The following PSKH2 variants were observed in gnomAD, a reference collection of about 807,000 sequenced individuals.
PSKH2 encodes the protein protein serine kinase H2.
In PSKH2, 16 loss-of-function variants were observed where a neutral mutation model predicts 22.5. The observed-to-expected ratio is 0.71, with a 90% CI of 0.48 to 1.08. The LOEUF (loss-of-function observed/expected upper bound fraction) is 1.08. Among genes scored for constraint, PSKH2 ranks in the 50% least tolerant of loss-of-function variants. The pLI, the probability that PSKH2 is intolerant of heterozygous loss-of-function variation, is 0.00. For synonymous variants in PSKH2, 188 were observed against 184.8 expected (o/e 1.02, Z -0.14); for missense variants, 516 against 492.8 (o/e 1.05, Z -0.44).
At chr8:86,065,337 T>C (rs1238065669) in intron 1 of PSKH2, among the ~76,000 whole-genome samples, 1 of 152,218 alleles carries the variant, frequency 6.6e-6, no homozygotes, top group African/African-American at 2.4e-5. Flanking sequence ...TAAATGCAGC[T>C]GTGCTATTAT....
intron 2 of PSKH2, among the ~76,000 whole-genome samples, chr8:86,062,946 A>C (rs190703950): frequency 6.6e-6 from 1 of 152,336 alleles, no homozygotes; most frequent in East Asian, 1.9e-4. Flanking sequence ...AAGACAATAA[A>C]AAGACATTTT....
intron 2 of PSKH2, among the ~76,000 whole-genome samples, chr8:86,050,431 T>C (rs749489989): frequency 2.0e-5 from 3 of 152,168 alleles, no homozygotes; most frequent in Non-Finnish European, 4.4e-5. Flanking sequence ...TTCAACAATA[T>C]AGCCAATCAC....
intron 2 of PSKH2, among the ~76,000 whole-genome samples, chr8:86,062,177 G>T (rs1279107485): frequency 6.6e-6 from 1 of 152,108 alleles, no homozygotes; most frequent in Admixed American, 6.6e-5. Flanking sequence ...GCAGTATATT[G>T]TGAAAATTTT....
chr8:86,057,658 G>A (rs1314078332), intron 2 of PSKH2, among the ~76,000 whole-genome samples: 1 of 152,102 alleles, frequency 6.6e-6, no homozygotes, highest in African/African-American at 2.4e-5. Context: ...CCAAAGTGCT[G>A]GGATTACAGG....
At chr8:86,054,059 T>G (rs1243016371) in intron 2 of PSKH2, among the ~76,000 whole-genome samples, 1 of 151,958 alleles carries the variant, frequency 6.6e-6, no homozygotes, top group East Asian at 1.9e-4. Context: ...ACAAAAATTA[T>G]TAAAAAGCTA....
Position 86,060,440 on chromosome 8 carries a change from C to T in PSKH2, c.852+3525G>A, listed in dbSNP as rs78570960. ...ATTGGTACAATTAGCAATTACTAGA[C>T]TTGGCAATAGACGCTAAATATATGG... On this transcript the variant is annotated intron_variant, in intron 2 of 2. Coordinates refer to ENST00000276616, the MANE Select transcript of PSKH2 (RefSeq NM_033126.3). 3.4e-3 allele frequency among the ~76,000 whole-genome samples: 519 copies of T among 152,302 alleles called. 4 individuals carry two copies. The highest frequency in any genetic ancestry group is 0.012 in the African/African-American group (503 of 41,564).
chr8:86,051,726 C>G (rs1049062884), intron 2 of PSKH2, among the ~76,000 whole-genome samples: 1 of 152,158 alleles, frequency 6.6e-6, no homozygotes. Flanking sequence ...AGACAAGCAA[C>G]TGAATCTTTC....
rs375079681 is a variant in PSKH2 at position 86,063,183 on chromosome 8, GTTTAAC to G, written c.852+776_852+781del. 3.5e-3 allele frequency among the ~76,000 whole-genome samples: 536 copies of G among 152,244 alleles called. 4 individuals are homozygous for G. Among genetic ancestry groups the G allele is most frequent in the African/African-American group, 0.012 (519 of 41,542 alleles). On this transcript the variant is annotated intron_variant, in intron 2 of 2. Coordinates refer to ENST00000276616, the MANE Select transcript of PSKH2 (RefSeq NM_033126.3). ...AGAAAACATTATATTTAAATTTGGT[GTTTAAC>G]TTTAATTTTGCTTAAAGATGTTGCT...
chr8:86,064,102 A>G lies in PSKH2; in HGVS notation c.715T>C (p.Tyr239His). The G allele has an allele frequency of 6.2e-7, 1 of 1,614,124 alleles. No homozygotes were observed. Among genetic ancestry groups the G allele is most frequent in the Non-Finnish European group, 8.5e-7 (1 of 1,180,028 alleles). ...GCCCACATGTCCACTGCACTGGTAT[A>G]AGGCTTCCTTAGCAAAACCTCAGGA... ...IAPEVLLRKP[Y>H]TSAVDMWALG... Residue 239 changes from tyrosine to histidine, a missense_variant, in exon 2 of 3, where the codon TAT (tyrosine) becomes CAT (histidine). Tyr to His is a moderately conservative substitution (Grantham distance 83). Coordinates refer to ENST00000276616, the MANE Select transcript of PSKH2 (RefSeq NM_033126.3).
chr8:86,048,655 G>T lies in PSKH2; in HGVS notation c.965C>A (p.Thr322Asn). ...CTTCATGGAAGACCCTGCAGCCATGGTGATCACCCAGGGATGGTCCAGGGC... is the reference window on the plus strand; with the variant it reads ...CTTCATGGAAGACCCTGCAGCCATGTTGATCACCCAGGGATGGTCCAGGGC... The part of the protein sequence containing the change: ...GQALDHPWVI[T>N]MAAGSSMKNL... The change falls in exon 3 of 3, where the codon ACC (threonine) becomes AAC (asparagine). Residue 322 changes from threonine to asparagine, a missense_variant. Thr to Asn is a moderately conservative substitution (Grantham distance 65, BLOSUM62 0). Transcript: ENST00000276616. The T allele has an allele frequency of 6.2e-7, 1 of 1,614,148 alleles. No homozygotes were observed. The highest frequency in any genetic ancestry group is 8.5e-7 in the Non-Finnish European group (1 of 1,180,030).
chr8:86,065,867 G>T (rs986276071), intron 1 of PSKH2, among the ~76,000 whole-genome samples: 3 of 152,074 alleles, frequency 2.0e-5, no homozygotes, highest in Admixed American at 2.0e-4. Context: ...CTACTGAGGG[G>T]ACTGAAGCAG....
intron 2 of PSKH2, among the ~76,000 whole-genome samples, chr8:86,050,405 C>T (rs1817613892): frequency 6.6e-6 from 1 of 152,208 alleles, no homozygotes; most frequent in South Asian, 2.1e-4. Flanking sequence ...TGGACACCAT[C>T]ACTCATACCC....
chr8:86,069,794 C>T (rs2130178434), upstream of PSKH2: 1 of 676,522 alleles, frequency 1.5e-6, no homozygotes, highest in Non-Finnish European at 2.3e-6. Context: ...ACGACCGAGA[C>T]GCCTGGATCA....
At chr8:86,049,098 G>A (rs1014840693) in intron 2 of PSKH2, among the ~76,000 whole-genome samples, 1 of 152,132 alleles carries the variant, frequency 6.6e-6, no homozygotes, top group African/African-American at 2.4e-5. Flanking sequence ...GCATTTACGG[G>A]AGCTGGACAA....
chr8:86,062,285 CTT>C (rs562466870), intron 2 of PSKH2, among the ~76,000 whole-genome samples: 80 of 152,314 alleles, frequency 5.3e-4, no homozygotes, highest in African/African-American at 1.5e-3. Flanking sequence ...TCTCAGGACT[CTT>C]TAATTTTTTA....
rs146053534 is a variant in PSKH2, at chr8:86,063,311, A to G, written c.852+654T>C. Among the ~76,000 whole-genome samples the G allele has an allele frequency of 7.4e-3, 1,121 of 152,338 alleles. 10 individuals are homozygous for G. Among genetic ancestry groups the G allele is most frequent in the South Asian group, 0.02 (97 of 4,826 alleles). The stretch of plus-strand genomic sequence containing the variant: ...TCAAATAAATTTGCTCATCTGCTGT[A>G]CATGAAATGAATTTCCTATTTTGTC... On this transcript the variant is annotated intron_variant, in intron 2 of 2. Transcript: ENST00000276616.
At chr8:86,062,677 C>T (rs921514838) in intron 2 of PSKH2, among the ~76,000 whole-genome samples, 6 of 152,172 alleles carry the variant, frequency 3.9e-5, no homozygotes, top group African/African-American at 1.4e-4. Context: ...TCGTAAATTT[C>T]CTGAGGCCTC....
At chr8:86,051,672 A>G (rs991953232) in intron 2 of PSKH2, among the ~76,000 whole-genome samples, 1 of 152,220 alleles carries the variant, frequency 6.6e-6, no homozygotes, top group Non-Finnish European at 1.5e-5. Context: ...GCTCAAGACT[A>G]TTTAAATGAA....
intron 2 of PSKH2, among the ~76,000 whole-genome samples, chr8:86,052,496 C>T (rs1368577715): frequency 6.6e-6 from 1 of 152,224 alleles, no homozygotes; most frequent in Non-Finnish European, 1.5e-5. Flanking sequence ...ATATCTCCTT[C>T]ACGAGATTGC....
Sources: allele counts gnomAD v4.1 joint callset (sites outside exome capture counted in the v4.1 genomes callset), GRCh38; gene constraint gnomAD v4.1.1; transcripts MANE v1.5; gene names NCBI Gene and HGNC (gene_info 2026-07-23, HGNC 2026-07-21).